TAFA4: variants seen among roughly 807,000 people sequenced by gnomAD.
TAFA4 encodes TAFA chemokine like family member 4.
In TAFA4, 20 loss-of-function variants were observed where a neutral mutation model predicts 21.1. That is an observed-to-expected ratio of 0.95 (90% CI 0.67 to 1.38). The LOEUF is 1.38. Among genes scored for constraint, TAFA4 ranks in the 40% most tolerant of loss-of-function variants. The pLI is 0.00. For synonymous variants in TAFA4, 71 were observed against 67.4 expected (o/e 1.05, Z -0.26); for missense variants, 211 against 180.9 (o/e 1.17, Z -0.95).
intron 3 of TAFA4, among the ~76,000 whole-genome samples, chr3:68,777,743 AGAC>A (rs1703074432): frequency 1.3e-5 from 2 of 152,186 alleles, no homozygotes; most frequent in African/African-American, 4.8e-5. Flanking sequence ...TGTCGATGAC[AGAC>A]GACATAGACA....
chr3:68,883,161 G>C (rs1333823314), intron 2 of TAFA4: 1 of 152,280 alleles, frequency 6.6e-6, no homozygotes, highest in Admixed American at 6.5e-5. Context: ...GTGTCAGCTG[G>C]GTGTGTCCTC....
intron 5 of TAFA4, among the ~76,000 whole-genome samples, chr3:68,734,718 A>T (rs1463975710): frequency 2.0e-5 from 3 of 152,070 alleles, no homozygotes; most frequent in Admixed American, 1.3e-4. Flanking sequence ...CATCTGCAAA[A>T]TAGAGATAAT....
At chr3:68,817,668 T>A (rs998743289) in intron 3 of TAFA4, among the ~76,000 whole-genome samples, 9 of 152,320 alleles carry the variant, frequency 5.9e-5, no homozygotes, top group Middle Eastern at 3.4e-3. Flanking sequence ...TTAGCAAGCA[T>A]GAAAACAACA....
intron 5 of TAFA4, among the ~76,000 whole-genome samples, chr3:68,736,349 A>G: frequency 6.6e-6 from 1 of 152,136 alleles, no homozygotes; most frequent in East Asian, 1.9e-4. Flanking sequence ...GACACTGAAA[A>G]CTGTCGGCAG....
intron 3 of TAFA4, among the ~76,000 whole-genome samples, chr3:68,870,562 A>G (rs2089470370): frequency 6.6e-6 from 1 of 152,080 alleles, no homozygotes; most frequent in African/African-American, 2.4e-5. Context: ...ATTTACAGCC[A>G]ACTCATTTTT....
At chr3:68,867,693 G>C (rs534286436) in intron 3 of TAFA4, among the ~76,000 whole-genome samples, 1 of 152,154 alleles carries the variant, frequency 6.6e-6, no homozygotes, top group Admixed American at 6.6e-5. Context: ...ATGTGGAAGG[G>C]ATGAAGTTAA....
intron 3 of TAFA4, among the ~76,000 whole-genome samples, chr3:68,830,340 C>T (rs1389529491): frequency 6.6e-6 from 1 of 152,100 alleles, no homozygotes; most frequent in African/African-American, 2.4e-5. Context: ...TATAAATTTC[C>T]CTCAACATAC....
chr3:68,895,930 G>C (rs1468928801), intron 1 of TAFA4, among the ~76,000 whole-genome samples: 2 of 152,228 alleles, frequency 1.3e-5, no homozygotes, highest in Non-Finnish European at 2.9e-5. Flanking sequence ...GCTACTTGGA[G>C]TGGGTGTTCA....
chr3:68,763,869 T>TACACACACACACACACACACACACAC (rs147436920), intron 3 of TAFA4, among the ~76,000 whole-genome samples: 20 of 147,346 alleles, frequency 1.4e-4, no homozygotes, highest in Admixed American at 2.0e-4. Context: ...TATGACAGAC[T>TACACACACACACACACACACACACAC]ACACACACAC....
chr3:68,735,709 G>T (rs1032410938), intron 5 of TAFA4, among the ~76,000 whole-genome samples: 2 of 151,912 alleles, frequency 1.3e-5, no homozygotes, highest in African/African-American at 4.8e-5. Flanking sequence ...TTTCCAATAT[G>T]AAATATTGGA....
chr3:68,842,604 A>G (rs1704690678), intron 3 of TAFA4, among the ~76,000 whole-genome samples: 1 of 152,160 alleles, frequency 6.6e-6, no homozygotes, highest in African/African-American at 2.4e-5. Context: ...TGTTTTAGCC[A>G]TGAATTCTTT....
chr3:68,823,761 G>T (rs1388165994), intron 3 of TAFA4, among the ~76,000 whole-genome samples: 1 of 152,054 alleles, frequency 6.6e-6, no homozygotes, highest in Non-Finnish European at 1.5e-5. Flanking sequence ...CTTCATTCAC[G>T]TCCCTACAAA....
chr3:68,773,634 G>C (rs1008876544), intron 3 of TAFA4, among the ~76,000 whole-genome samples: 7 of 152,110 alleles, frequency 4.6e-5, no homozygotes, highest in Admixed American at 1.3e-4. Context: ...AGTCACCTCA[G>C]TAGCATATCA....
intron 3 of TAFA4, among the ~76,000 whole-genome samples, chr3:68,764,451 C>T (rs541420249): frequency 1.2e-4 from 19 of 152,208 alleles, no homozygotes; most frequent in Non-Finnish European, 2.4e-4. Context: ...CTGACTAATA[C>T]ACTGTCACTT....
At chr3:68,739,661 G>A (rs1464429349) in intron 4 of TAFA4, among the ~76,000 whole-genome samples, 1 of 152,114 alleles carries the variant, frequency 6.6e-6, no homozygotes, top group Non-Finnish European at 1.5e-5. Context: ...AGAAAATGTG[G>A]TATAGATATG....
chr3:68,800,659 A>G (rs1322602032), intron 3 of TAFA4, among the ~76,000 whole-genome samples: 1 of 152,226 alleles, frequency 6.6e-6, no homozygotes, highest in Non-Finnish European at 1.5e-5. Context: ...GGTCTGCTCC[A>G]CACTTGCTTC....
At chr3:68,827,540 A>G (rs140090035) in intron 3 of TAFA4, among the ~76,000 whole-genome samples, 63,729 of 151,954 alleles carry the variant, frequency 0.42, 13,768 homozygotes, top group Non-Finnish European at 0.45. Flanking sequence ...CATCCTCTCC[A>G]GCATCTGTTG....
In TAFA4 at chr3:68,908,343, G is replaced by T. The variant is rs9824979; in HGVS notation, c.-122-23033C>A. On this transcript the variant is annotated intron_variant, in intron 1 of 5. Coordinates refer to ENST00000295569, the MANE Select transcript of TAFA4 (RefSeq NM_182522.5). ...AGTCCTTCTCTTAACAACAGCTCTA[G>T]GGCTTTGTTAAATCAGCCCTAATCT... Among the ~76,000 whole-genome samples the T allele has an allele frequency of 5.9e-5, 9 of 151,970 alleles. No homozygotes were observed. The South Asian group carries it at 1.0e-3, about 18-fold the overall frequency.
intron 3 of TAFA4, among the ~76,000 whole-genome samples, chr3:68,777,250 G>A (rs768827337): frequency 1.2e-4 from 18 of 151,942 alleles, no homozygotes; most frequent in Admixed American, 9.2e-4. Context: ...AGCACACTGC[G>A]GGAACATATT....
Sources: gnomAD v4.1 joint callset for allele counts (sites outside exome capture counted in the v4.1 genomes callset) on GRCh38, gnomAD v4.1.1 for gene constraint, MANE v1.5 for transcripts, NCBI Gene and HGNC (gene_info 2026-07-23, HGNC 2026-07-21) for gene names.